Variants in LINGO2 observed in about 807,000 individuals in gnomAD.
LINGO2 encodes leucine-rich repeat and immunoglobulin-like domain-containing nogo receptor-interacting protein 2.
In LINGO2, 14 loss-of-function variants were observed where a neutral mutation model predicts 30.6. The ratio of observed to expected loss-of-function variants is 0.46; its 90% CI spans 0.30 to 0.72. LINGO2 has a LOEUF of 0.72. LINGO2 is among the 30% of genes least tolerant of loss of function. The probability of loss-of-function intolerance (pLI) is 0.07; values close to 1 mark genes in which losing one functional copy is unlikely to be tolerated. For synonymous variants in LINGO2, 317 were observed against 288.5 expected (o/e 1.10, Z -1.00); for missense variants, 729 against 751.7 (o/e 0.97, Z 0.35).
chr9:28,217,473 C>T (rs979654371), intron 4 of LINGO2, among the ~76,000 whole-genome samples: 2 of 151,998 alleles, frequency 1.3e-5, no homozygotes, highest in African/African-American at 4.8e-5. Flanking sequence ...AAACATAGCA[C>T]TCCTGTTCAT....
chr9:28,991,408 T>C, the LINGO2 span, among the ~76,000 whole-genome samples: 95,312 of 149,142 alleles, frequency 0.64, 31,263 homozygotes, highest in Non-Finnish European at 0.72. Context: ...CTGAAACTGA[T>C]GGGGAGAATG....
the LINGO2 span, among the ~76,000 whole-genome samples, chr9:28,885,623 T>C: frequency 6.6e-6 from 1 of 152,060 alleles, no homozygotes; most frequent in Non-Finnish European, 1.5e-5. Context: ...AAAAATGCAT[T>C]TGAAGTAGTA....
At chr9:28,879,094 G>T in the LINGO2 span, among the ~76,000 whole-genome samples, 1 of 152,120 alleles carries the variant, frequency 6.6e-6, no homozygotes, top group Non-Finnish European at 1.5e-5. Context: ...AAACCCCATT[G>T]TCTCAGCCCA....
the LINGO2 span, among the ~76,000 whole-genome samples, chr9:28,764,135 A>G: frequency 1.3e-5 from 2 of 151,732 alleles, no homozygotes; most frequent in Non-Finnish European, 2.9e-5. Context: ...CTCTTTTTAA[A>G]AAAAAAAAGT....
intron 3 of LINGO2, among the ~76,000 whole-genome samples, chr9:28,299,899 C>A (rs1824071314): frequency 6.6e-6 from 1 of 152,066 alleles, no homozygotes; most frequent in African/African-American, 2.4e-5. Context: ...TCCTGTCTTT[C>A]CAATACACCA....
intron 1 of LINGO2, among the ~76,000 whole-genome samples, chr9:28,601,152 A>G (rs1261457780): frequency 6.6e-6 from 1 of 152,118 alleles, no homozygotes. Flanking sequence ...TGGAGAATGC[A>G]TATTTTCATA....
chr9:28,002,610 G>A (rs1243954657), intron 5 of LINGO2, among the ~76,000 whole-genome samples: 2 of 152,130 alleles, frequency 1.3e-5, no homozygotes, highest in Admixed American at 1.3e-4. Context: ...TTTGTGTGAT[G>A]TTGCTACTTA....
chr9:27,971,819 G>T (rs535114393), intron 5 of LINGO2, among the ~76,000 whole-genome samples: 4 of 152,282 alleles, frequency 2.6e-5, no homozygotes, highest in African/African-American at 9.6e-5. Context: ...AGAAACACGG[G>T]ATGTGTAAAG....
chr9:28,439,032 TTATA>T (rs779622596), intron 2 of LINGO2, among the ~76,000 whole-genome samples: 88 of 147,356 alleles, frequency 6.0e-4, no homozygotes, highest in Non-Finnish European at 1.1e-3. Context: ...TATCTATACA[TTATA>T]TATGAAATAC....
the LINGO2 span, among the ~76,000 whole-genome samples, chr9:28,824,689 C>T: frequency 2.0e-5 from 3 of 152,124 alleles, no homozygotes; most frequent in African/African-American, 7.2e-5. Flanking sequence ...GCATACCATG[C>T]CTTTCCTAGC....
At chr9:28,917,964 C>T in the LINGO2 span, among the ~76,000 whole-genome samples, 23 of 152,068 alleles carry the variant, frequency 1.5e-4, no homozygotes, top group South Asian at 3.5e-3. Flanking sequence ...ACAGTGCTAG[C>T]GGCCTACACA....
At chr9:28,772,290 G>A in the LINGO2 span, among the ~76,000 whole-genome samples, 2 of 152,154 alleles carry the variant, frequency 1.3e-5, no homozygotes, top group Admixed American at 1.3e-4. Flanking sequence ...CGCGGTCTCA[G>A]GTAATATACT....
In LINGO2 at chr9:28,043,937, G is replaced by C. The variant is rs371877705; in HGVS notation, c.-86-31532C>G. Among the ~76,000 whole-genome samples the C allele has an allele frequency of 2.3e-4, 35 of 152,250 alleles. No homozygotes were observed. The South Asian group carries it at 7.1e-3, about 31-fold the overall frequency. On this transcript the variant is annotated intron_variant, in intron 4 of 5. Coordinates refer to ENST00000379992, the Ensembl canonical transcript of LINGO2. Reference sequence around the variant, plus strand: ...TTTGAATCAAGATCAAAATAAGATTGTTCTATTGCAGTTGGTTGATGTATA... The same window carrying C: ...TTTGAATCAAGATCAAAATAAGATTCTTCTATTGCAGTTGGTTGATGTATA...
intron 2 of LINGO2, among the ~76,000 whole-genome samples, chr9:28,425,908 T>A (rs1823391527): frequency 6.6e-6 from 1 of 152,022 alleles, no homozygotes; most frequent in Admixed American, 6.6e-5. Context: ...GTAGATAAAT[T>A]ACTTTCTTTT....
chr9:27,956,770 G>A (rs1218916707), intron 5 of LINGO2, among the ~76,000 whole-genome samples: 3 of 152,046 alleles, frequency 2.0e-5, no homozygotes, highest in Admixed American at 1.3e-4. Context: ...CAGCTATCTA[G>A]TTTTTTTGTA....
At chr9:28,346,505 G>T (rs1819576371) in intron 3 of LINGO2, among the ~76,000 whole-genome samples, 1 of 152,146 alleles carries the variant, frequency 6.6e-6, no homozygotes, top group Admixed American at 6.6e-5. Flanking sequence ...ACATACGTGT[G>T]CATGTGTCTT....
intron 1 of LINGO2, among the ~76,000 whole-genome samples, chr9:28,551,375 C>T (rs1214695972): frequency 1.3e-5 from 2 of 151,462 alleles, no homozygotes; most frequent in Non-Finnish European, 2.9e-5. Flanking sequence ...TTTATTATTA[C>T]CTACATATAT....
At chr9:28,435,420 T>C (rs1403564395) in intron 2 of LINGO2, among the ~76,000 whole-genome samples, 2 of 152,110 alleles carry the variant, frequency 1.3e-5, no homozygotes, top group African/African-American at 4.8e-5. Flanking sequence ...TTAGCAAAAA[T>C]TGTGATGCCT....
chr9:28,772,907 A>T, the LINGO2 span, among the ~76,000 whole-genome samples: 1 of 152,206 alleles, frequency 6.6e-6, no homozygotes, highest in African/African-American at 2.4e-5. Context: ...TGTCCACAAC[A>T]GCACATCACT....
Sources: gnomAD v4.1 joint callset for allele counts (sites outside exome capture counted in the v4.1 genomes callset) on GRCh38, gnomAD v4.1.1 for gene constraint, MANE v1.5 for transcripts, NCBI Gene and HGNC (gene_info 2026-07-23, HGNC 2026-07-21) for gene names.